ESRRG: variants seen among roughly 807,000 people sequenced by gnomAD.
The protein encoded by ESRRG is estrogen-related receptor gamma.
Under a neutral mutation model 44.0 loss-of-function variants are expected in ESRRG, and 13 were observed. That is an observed-to-expected ratio of 0.30 (90% CI 0.19 to 0.47). The LOEUF is 0.47. Ranked by LOEUF, ESRRG falls within the 20% of genes least tolerant of loss-of-function variation. ESRRG has a pLI of 1.00. For synonymous variants in ESRRG, 215 were observed against 214.6 expected, an observed-to-expected ratio of 1.00 and a Z score of -0.02; for missense variants, 395 against 580.6, an observed-to-expected ratio of 0.68 and a Z score of 3.29.
intron 2 of ESRRG, among the ~76,000 whole-genome samples, chr1:216,884,134 C>G (rs1198717741): frequency 6.6e-6 from 1 of 152,158 alleles, no homozygotes; most frequent in Admixed American, 6.5e-5. Context: ...ATTCCAGAAT[C>G]CCATCAGCAA....
At chr1:216,865,422 A>T (rs950117938) in intron 2 of ESRRG, among the ~76,000 whole-genome samples, 4 of 146,706 alleles carry the variant, frequency 2.7e-5, no homozygotes, top group Admixed American at 1.4e-4. Flanking sequence ...ACAACTGTCC[A>T]TTTTTTTTTT....
intron 3 of ESRRG, among the ~76,000 whole-genome samples, chr1:216,581,598 C>A (rs1190348180): frequency 6.7e-6 from 1 of 150,362 alleles, no homozygotes; most frequent in Non-Finnish European, 1.5e-5. Context: ...ACTACCTACA[C>A]AAAGTGAGTG....
chr1:217,024,438 C>T (rs1216125707), intron 1 of ESRRG, among the ~76,000 whole-genome samples: 1 of 151,920 alleles, frequency 6.6e-6, no homozygotes, highest in African/African-American at 2.4e-5. Flanking sequence ...TCTGAGGACA[C>T]CACCAGAGAA....
chr1:216,655,873 G>A (rs2070372480), intron 2 of ESRRG, among the ~76,000 whole-genome samples: 1 of 152,132 alleles, frequency 6.6e-6, no homozygotes, highest in Admixed American at 6.6e-5. Flanking sequence ...CCATGTTAGA[G>A]TCTACAGAGA....
chr1:216,683,704 T>C (rs1423271639), intron 1 of ESRRG, among the ~76,000 whole-genome samples: 5 of 152,188 alleles, frequency 3.3e-5, no homozygotes, highest in Non-Finnish European at 7.3e-5. Context: ...TGGCTGATCA[T>C]CGAAATAAAA....
chr1:216,766,876 T>G (rs1285166509), intron 2 of ESRRG, among the ~76,000 whole-genome samples: 1 of 152,182 alleles, frequency 6.6e-6, no homozygotes, highest in African/African-American at 2.4e-5. Context: ...GTGTTCTCTA[T>G]CCATTATTCA....
At chr1:216,733,716 C>T (rs376927884) in intron 2 of ESRRG, among the ~76,000 whole-genome samples, 2 of 151,978 alleles carry the variant, frequency 1.3e-5, no homozygotes, top group African/African-American at 2.4e-5. Context: ...TCAGTCTGGG[C>T]GCAGTGGCTC....
chr1:216,868,689 T>C (rs951205911), intron 2 of ESRRG, among the ~76,000 whole-genome samples: 10 of 152,188 alleles, frequency 6.6e-5, no homozygotes, highest in Non-Finnish European at 1.2e-4. Context: ...CTATCAGCAA[T>C]GTGTGCAAGT....
intron 1 of ESRRG, among the ~76,000 whole-genome samples, chr1:216,691,667 G>T (rs1405803441): frequency 2.6e-5 from 4 of 152,068 alleles, no homozygotes; most frequent in Non-Finnish European, 5.9e-5. Context: ...GACAAATCTG[G>T]CCAAGTTCAC....
At chr1:216,931,733 G>C (rs2063367288) in intron 2 of ESRRG, among the ~76,000 whole-genome samples, 1 of 150,354 alleles carries the variant, frequency 6.7e-6, no homozygotes, top group Non-Finnish European at 1.5e-5. Context: ...GGGAAGCAGG[G>C]ATCATGTTGA....
intron 3 of ESRRG, among the ~76,000 whole-genome samples, chr1:216,650,592 C>T (rs2068701550): frequency 6.6e-6 from 1 of 151,738 alleles, no homozygotes; most frequent in African/African-American, 2.4e-5. Context: ...GTGCTTTAAA[C>T]CCAAGATTAA....
chr1:216,984,423 G>C (rs1349373836), intron 1 of ESRRG, among the ~76,000 whole-genome samples: 2 of 152,144 alleles, frequency 1.3e-5, no homozygotes, highest in African/African-American at 4.8e-5. Context: ...TATTTCAGTT[G>C]CAAGTATTTC....
chr1:217,066,886 A>G (rs1303657464), intron 1 of ESRRG, among the ~76,000 whole-genome samples: 1 of 152,204 alleles, frequency 6.6e-6, no homozygotes, highest in Admixed American at 6.5e-5. Flanking sequence ...TTTGAAATAG[A>G]TGAATGAACT....
chr1:216,652,719 G>T (rs1452339074), intron 2 of ESRRG, among the ~76,000 whole-genome samples: 2 of 152,100 alleles, frequency 1.3e-5, no homozygotes, highest in Non-Finnish European at 2.9e-5. Flanking sequence ...GGGTGGCCGG[G>T]TCACAGCTAA....
intron 1 of ESRRG, among the ~76,000 whole-genome samples, chr1:217,015,708 G>A (rs980490840): frequency 2.0e-5 from 3 of 150,794 alleles, no homozygotes; most frequent in African/African-American, 4.9e-5. Context: ...TTGTTTGTGT[G>A]GGGGGTGAGA....
intron 2 of ESRRG, among the ~76,000 whole-genome samples, chr1:216,913,317 T>C (rs138223054): frequency 6.6e-6 from 1 of 152,030 alleles, no homozygotes; most frequent in East Asian, 1.9e-4. Flanking sequence ...AGGATGTGCA[T>C]AGTTACATGC....
chr1:216,707,443 G>A (rs1442307437), intron 1 of ESRRG: 1 of 1,535,516 alleles, frequency 6.5e-7, no homozygotes, highest in Non-Finnish European at 8.7e-7. Flanking sequence ...GGATCTAAAT[G>A]CACAATTCCT....
chr1:216,601,049 G>A (rs2059155987), intron 3 of ESRRG, among the ~76,000 whole-genome samples: 1 of 152,218 alleles, frequency 6.6e-6, no homozygotes, highest in Non-Finnish European at 1.5e-5. Context: ...GGGTTGCTGA[G>A]GCCCTCGCGG....
chr1:216,945,987 T>C (rs1482802337), intron 1 of ESRRG, among the ~76,000 whole-genome samples: 1 of 152,188 alleles, frequency 6.6e-6, no homozygotes, highest in Admixed American at 6.5e-5. Flanking sequence ...CTTTTCACCA[T>C]CATAAGGAAA....
Sources: gnomAD v4.1 joint callset for allele counts (sites outside exome capture counted in the v4.1 genomes callset) on GRCh38, gnomAD v4.1.1 for gene constraint, MANE v1.5 for transcripts, NCBI Gene and HGNC (gene_info 2026-07-23, HGNC 2026-07-21) for gene names.